NR2C2: variants seen among roughly 807,000 people sequenced by gnomAD.
NR2C2 encodes Nuclear hormone receptor TR4.
A neutral mutation model predicts 62.9 loss-of-function variants in NR2C2; 6 were observed. That is an observed-to-expected ratio of 0.10 (90% CI 0.05 to 0.19). The LOEUF is 0.19. NR2C2 is among the 10% of genes least tolerant of loss of function. The pLI is 1.00. For missense variants in NR2C2, 479 were observed against 762.7 expected (o/e 0.63, Z 4.38); for synonymous variants, 272 against 273.8 (o/e 0.99, Z 0.07).
rs570471498 is a variant in NR2C2 at position 15,048,797 on chromosome 3, C to T, written c.*5789C>T. 1.4e-4 allele frequency: 21 copies of T among 152,696 alleles called. No homozygotes were observed. Among genetic ancestry groups the T allele is most frequent in the African/African-American group, 2.6e-4 (11 of 41,566 alleles). The allele number at this position is 152,696 out of a possible 1,614,324, so 9.5% of individuals were successfully genotyped here. The stretch of plus-strand genomic sequence containing the variant: ...GCTGCACATTTTTCACAGTACAAGC[C>T]GTAGTTTTTACCTGTAGTTTGGACT... On this transcript the variant is annotated 3_prime_UTR_variant, in exon 14 of 14. Transcript: ENST00000425241.
At chr3:15,012,071 G>T (rs907286917) in intron 2 of NR2C2, among the ~76,000 whole-genome samples, 42 of 152,110 alleles carry the variant, frequency 2.8e-4, no homozygotes, top group Non-Finnish European at 3.4e-4. Flanking sequence ...TGTTTGACTC[G>T]TAGTGGGTGC....
intron 5 of NR2C2, among the ~76,000 whole-genome samples, chr3:15,021,155 C>A (rs1559297808): frequency 6.6e-6 from 1 of 152,128 alleles, no homozygotes. Context: ...ATTACAGATG[C>A]ATCAGGAGGC....
At chr3:15,037,209 T>TTTTTTG (rs776536753) in intron 11 of NR2C2, among the ~76,000 whole-genome samples, 5 of 130,240 alleles carry the variant, frequency 3.8e-5, no homozygotes, top group Non-Finnish European at 6.8e-5. Context: ...TGTTTTTTGT[T>TTTTTTG]TGTGTGTGTG....
chr3:15,046,698 T>G lies in NR2C2; in HGVS notation c.*3690T>G, dbSNP rs2125119611. The G allele has an allele frequency of 1.3e-5, 2 of 152,672 alleles. 1 individual carries two copies. The highest frequency in any genetic ancestry group is 1.3e-4 in the Admixed American group (2 of 15,304). 9.5% of individuals were successfully genotyped at this position (152,672 alleles called of 1,614,324 possible). ...ATGGGGTCATAGGTAACATTTTAAC[T>G]CTTTTCTTAGTCCAGGTCATAGGAA... is the stretch of plus-strand genomic sequence containing the variant. On this transcript the variant is annotated 3_prime_UTR_variant, in exon 14 of 14. Transcript: ENST00000425241.
intron 7 of NR2C2, among the ~76,000 whole-genome samples, chr3:15,025,333 G>A (rs1031338571): frequency 7.2e-5 from 11 of 152,218 alleles, no homozygotes; most frequent in Admixed American, 7.2e-4. Context: ...AGTGCTCTTC[G>A]TAGCCACATG....
At chr3:15,032,812 C>T (rs1019751155) in intron 10 of NR2C2, among the ~76,000 whole-genome samples, 2 of 152,170 alleles carry the variant, frequency 1.3e-5, no homozygotes, top group East Asian at 3.9e-4. Flanking sequence ...TGTGACTCAA[C>T]AAACTGAAGC....
At chr3:15,034,597 A>G in intron 10 of NR2C2, 73 bp from the exon 11 acceptor site, 1 of 1,506,354 alleles carries the variant, frequency 6.6e-7, no homozygotes, top group East Asian at 2.3e-5. Context: ...GCTGGGACTT[A>G]GTGCCTGGAT....
chr3:15,024,759 C>G (rs1559300374), intron 7 of NR2C2, among the ~76,000 whole-genome samples: 1 of 152,220 alleles, frequency 6.6e-6, no homozygotes, highest in East Asian at 1.9e-4. Flanking sequence ...AGGGAACTCA[C>G]TGTTTGTCTC....
chr3:14,971,127 T>G (rs1338693829), intron 1 of NR2C2, among the ~76,000 whole-genome samples: 1 of 152,236 alleles, frequency 6.6e-6, no homozygotes, highest in Non-Finnish European at 1.5e-5. Context: ...TTTTTATTTT[T>G]TATTTTTTTG....
intron 2 of NR2C2, among the ~76,000 whole-genome samples, chr3:15,012,018 G>C (rs1234114411): frequency 2.0e-5 from 3 of 152,154 alleles, no homozygotes; most frequent in Non-Finnish European, 4.4e-5. Flanking sequence ...ATGATGGTGG[G>C]ACCTTTTTTT....
chr3:14,965,098 A>G (rs960017171), intron 1 of NR2C2, among the ~76,000 whole-genome samples: 5 of 152,180 alleles, frequency 3.3e-5, no homozygotes, highest in African/African-American at 1.2e-4. Flanking sequence ...ACATGGGGAG[A>G]ACATACAAAC....
chr3:15,018,121 C>A (rs1296120237), intron 4 of NR2C2, among the ~76,000 whole-genome samples: 1 of 152,124 alleles, frequency 6.6e-6, no homozygotes. Flanking sequence ...GCCTCAGCCT[C>A]CCAAGTAGCT....
rs1016493331 is a variant in NR2C2, at chr3:15,045,088, A to G, written c.*2080A>G. 6.6e-6 allele frequency: 1 copy of G among 152,210 alleles called. No homozygotes were observed. Among genetic ancestry groups the G allele is most frequent in the African/African-American group, 2.4e-5 (1 of 41,456 alleles). 9.4% of individuals were successfully genotyped at this position (152,210 alleles called of 1,614,324 possible). On this transcript the variant is annotated 3_prime_UTR_variant, in exon 14 of 14. Transcript: ENST00000425241. ...CAAAATTAAGACAAAAAACCAGCTGAGACAATGGAATTAGGGCAGGTTTGT... is the reference window on the plus strand; with the variant it reads ...CAAAATTAAGACAAAAAACCAGCTGGGACAATGGAATTAGGGCAGGTTTGT...
intron 2 of NR2C2, among the ~76,000 whole-genome samples, chr3:15,008,568 C>G (rs79523551): frequency 0.041 from 6,261 of 151,914 alleles, 442 homozygotes; most frequent in African/African-American, 0.14. Flanking sequence ...CAAAAGTTAT[C>G]CAGTGGCTGG....
intron 1 of NR2C2, among the ~76,000 whole-genome samples, chr3:14,989,151 C>T (rs2125358316): frequency 6.6e-6 from 1 of 152,296 alleles, no homozygotes; most frequent in Middle Eastern, 3.4e-3. Flanking sequence ...GTCTCAAAGC[C>T]AGAGAACCTA....
intron 2 of NR2C2, among the ~76,000 whole-genome samples, chr3:15,012,975 C>G (rs1422257701): frequency 1.3e-5 from 2 of 152,124 alleles, no homozygotes; most frequent in Non-Finnish European, 2.9e-5. Flanking sequence ...CTTTTATTGT[C>G]GTCTCTCTAT....
intron 1 of NR2C2, among the ~76,000 whole-genome samples, chr3:14,974,714 C>T (rs1478736099): frequency 1.3e-5 from 2 of 151,906 alleles, no homozygotes; most frequent in African/African-American, 2.4e-5. Context: ...AGTAATTCTC[C>T]TGCCTCAGCC....
At position 15,028,905 on chromosome 3, in the gene NR2C2, T is replaced by C. The variant is rs574277532; in HGVS notation, c.932+186T>C. Among the ~76,000 whole-genome samples the C allele has an allele frequency of 2.0e-5, 3 of 152,324 alleles. No homozygotes were observed. The South Asian group carries it at 6.2e-4, about 32-fold the overall frequency. On this transcript the variant is annotated intron_variant, in intron 8 of 13. Coordinates refer to ENST00000425241, the MANE Select transcript of NR2C2 (RefSeq NM_001291694.2). ...TGGGAACATAGACCCACCTATGTTA[T>C]ACAGTATAAAACAATCAAAACTTCT...
At chr3:14,957,536 G>T (rs576246036) in intron 1 of NR2C2, among the ~76,000 whole-genome samples, 37 of 152,286 alleles carry the variant, frequency 2.4e-4, no homozygotes, top group African/African-American at 7.7e-4. Flanking sequence ...TGTCACATAA[G>T]GCCAACCAAG....
Sources: gnomAD v4.1 joint callset for allele counts (sites outside exome capture counted in the v4.1 genomes callset) on GRCh38, gnomAD v4.1.1 for gene constraint, MANE v1.5 for transcripts, NCBI Gene and HGNC (gene_info 2026-07-23, HGNC 2026-07-21) for gene names.